The following PPP1R15B variants were observed in gnomAD, a reference collection of about 807,000 sequenced individuals.
PPP1R15B encodes protein phosphatase 1, regulatory (inhibitor) subunit 15B.
In PPP1R15B, 31 loss-of-function variants were observed where a neutral mutation model predicts 53.9. That is an observed-to-expected ratio of 0.58 (90% CI 0.43 to 0.78). PPP1R15B has a LOEUF of 0.78. Ranked by LOEUF, PPP1R15B falls within the 30% of genes least tolerant of loss-of-function variation. The pLI is 0.00. For missense variants in PPP1R15B, 928 were observed against 849.6 expected (o/e 1.09, Z -1.15); for synonymous variants, 345 against 329.1 (o/e 1.05, Z -0.52).
chr1:204,411,075 C>G lies in PPP1R15B; in HGVS notation c.337G>C (p.Glu113Gln), dbSNP rs763920425. ...YSALRALKGREKPAAPTAQKS... is the reference protein window; with the variant it reads ...YSALRALKGRQKPAAPTAQKS... ...TGCGCTGTGGGGGCGGCTGGTTTCT[C>G]CCGTCCCTTCAGGGCTCTCAGGGCG... The change falls in exon 1 of 2, where the codon GAG becomes CAG. Residue 113 changes from glutamate (E) to glutamine (Q), a missense_variant. Glu to Gln is a conservative substitution (Grantham distance 29, BLOSUM62 2). Transcript: ENST00000367188. 1.2e-6 allele frequency: 2 copies of G among 1,614,104 alleles called. No homozygotes were observed. Among genetic ancestry groups the G allele is most frequent in the African/African-American group, 2.7e-5 (2 of 74,940 alleles).
intron 1 of PPP1R15B, among the ~76,000 whole-genome samples, chr1:204,408,653 A>G (rs746446801): frequency 2.0e-4 from 31 of 152,226 alleles, no homozygotes; most frequent in Non-Finnish European, 4.1e-4. Flanking sequence ...TCAATTAATA[A>G]CTTTAGTTGA....
chr1:204,407,864 T>C (rs1159165973), intron 1 of PPP1R15B, among the ~76,000 whole-genome samples: 1 of 152,172 alleles, frequency 6.6e-6, no homozygotes, highest in African/African-American at 2.4e-5. Context: ...ATTCCCCATA[T>C]ATACCAATGG....
downstream of PPP1R15B, among the ~76,000 whole-genome samples, chr1:204,400,499 T>TTG (rs1674158248): frequency 2.0e-5 from 3 of 150,476 alleles, no homozygotes; most frequent in Admixed American, 6.6e-5. Context: ...TTTTTTTTTT[T>TTG]GTATTTTTTG....
chr1:204,403,344 A>G, downstream of PPP1R15B: 1 of 572,576 alleles, frequency 1.7e-6, no homozygotes. Flanking sequence ...GTAAAATACT[A>G]TGATACATAT....
chr1:204,399,590 T>C (rs1674143824), downstream of PPP1R15B, among the ~76,000 whole-genome samples: 2 of 150,732 alleles, frequency 1.3e-5, no homozygotes, highest in Admixed American at 1.3e-4. Flanking sequence ...ATTCAACAAA[T>C]ATTTATTGAC....
intron 1 of PPP1R15B, 73 bp from the exon 2 acceptor site, chr1:204,406,386 T>G: frequency 6.5e-7 from 1 of 1,530,866 alleles, no homozygotes; most frequent in African/African-American, 1.4e-5. Flanking sequence ...TAACCCTTTA[T>G]GCTACCAATT....
At position 204,410,382 on chromosome 1, in the gene PPP1R15B, T is replaced by C. The variant is rs760603744; in HGVS notation, c.1030A>G (p.Thr344Ala). The change falls in exon 1 of 2, where the codon ACA becomes GCA. Residue 344 changes from threonine (T) to alanine (A), a missense_variant. Coordinates refer to ENST00000367188, the MANE Select transcript of PPP1R15B (RefSeq NM_032833.5). Reference sequence around the variant, plus strand: ...TCTCCAGCAGCAGGAACAAACTGTGTTGGGTTATCTCTGCAGTGTTTTGGA... The same window carrying C: ...TCTCCAGCAGCAGGAACAAACTGTGCTGGGTTATCTCTGCAGTGTTTTGGA... ...MDPKHCRDNP[T>A]QFVPAAGDIP... 1 of 1,614,196 alleles carries C rather than the reference T, an allele frequency of 6.2e-7. No homozygotes were observed.
chr1:204,397,584 T>C (rs1674114212), downstream of PPP1R15B, among the ~76,000 whole-genome samples: 1 of 152,186 alleles, frequency 6.6e-6, no homozygotes, highest in Non-Finnish European at 1.5e-5. Context: ...ATGCTAAGTA[T>C]GTGAGGTAAT....
At chr1:204,409,441 A>G in intron 1 of PPP1R15B, 51 bp downstream of exon 1, 2 of 1,537,384 alleles carry the variant, frequency 1.3e-6, no homozygotes, top group Non-Finnish European at 1.7e-6. Flanking sequence ...ATATTTAAGC[A>G]TATAAAAACA....
In PPP1R15B at chr1:204,411,664, C is replaced by G. The variant is rs1674383295; in HGVS notation, c.-253G>C. The G allele has an allele frequency of 5.9e-5, 34 of 580,756 alleles. 1 individual carries two copies. The South Asian group carries it at 6.8e-4, about 12-fold the overall frequency. The allele number at this position is 580,756 out of a possible 1,614,324, so 36.0% of individuals were successfully genotyped here. A position where few individuals can be genotyped will look rare whatever the true frequency, so the allele number is the denominator to read the frequency against. ...CCATCCTGGCGGGGAAGGAGGTTCC[C>G]TAGTCGGCTCGACGCTTCAACACCA... On this transcript the variant is annotated 5_prime_UTR_variant, in exon 1 of 2. An upstream open reading frame in the 5' UTR loses its in-frame stop. Transcript: ENST00000367188.
rs1674220305 is a variant in PPP1R15B, at chr1:204,403,953, A to G, written c.*2139T>C. On this transcript the variant is annotated 3_prime_UTR_variant, in exon 2 of 2. Transcript: ENST00000367188. ...AGAATCCCATGGGGAACAATTTTCC[A>G]AAATCCAATGAAAGATGTCTCATTA... is the stretch of plus-strand genomic sequence containing the variant. 1.0e-6 allele frequency: 1 copy of G among 985,374 alleles called. No individual in the cohort carries two copies. Among genetic ancestry groups the G allele is most frequent in the Non-Finnish European group, 1.2e-6 (1 of 829,944 alleles). The allele number at this position is 985,374 out of a possible 1,614,324, so 61.0% of individuals were successfully genotyped here.
downstream of PPP1R15B, among the ~76,000 whole-genome samples, chr1:204,398,195 G>A (rs531944804): frequency 5.3e-5 from 8 of 152,262 alleles, no homozygotes; most frequent in South Asian, 1.7e-3. Context: ...AAGTATACAA[G>A]GGCCAAGTGA....
chr1:204,404,727 AC>A lies in PPP1R15B; in HGVS notation c.*1364del. On this transcript the variant is annotated 3_prime_UTR_variant, in exon 2 of 2. Coordinates refer to ENST00000367188, the MANE Select transcript of PPP1R15B (RefSeq NM_032833.5). ...TAAATAAGTTCAAAACTAAGAGGTC[AC>A]CTATTCTACTTATGTTTTCCATTAC... 1 of 985,788 alleles carries A rather than the reference AC, an allele frequency of 1.0e-6. No individual in the cohort carries two copies. Among genetic ancestry groups the A allele is most frequent in the Non-Finnish European group, 1.2e-6 (1 of 829,882 alleles). The allele number at this position is 985,788 out of a possible 1,614,324, so 61.1% of individuals were successfully genotyped here.
In PPP1R15B at chr1:204,408,427, T is replaced by C. The variant is rs190200758; in HGVS notation, c.1920+1065A>G. 3.7e-4 allele frequency among the ~76,000 whole-genome samples: 56 copies of C among 152,348 alleles called. No homozygotes were observed. In the East Asian group the frequency reaches 9.0e-3, roughly 25 times the overall value. ...AAGGTAAGACGTAAGATTATCACCA[T>C]TTTGAGACATTTTCTACCCAGGAAT... On this transcript the variant is annotated intron_variant, in intron 1 of 1. Transcript: ENST00000367188.
Position 204,411,153 on chromosome 1 carries a change from G to C in PPP1R15B, c.259C>G (p.Leu87Val), listed in dbSNP as rs1166642379. Residue 87 changes from leucine (L) to valine (V), a missense_variant, in exon 1 of 2, where the codon CTT becomes GTT. Leu to Val is a conservative substitution (Grantham distance 32). Transcript: ENST00000367188. ...CTGGTCGGAAACATTCCACCGAAAA[G>C]TTGGCTCCAAATTAGCACCTTCTGA... ...LLQKVLIWSQ[L>V]FGGMFPTRWL... 2 of 1,614,248 alleles carry C rather than the reference G, an allele frequency of 1.2e-6. No individual in the cohort carries two copies. The highest frequency in any genetic ancestry group is 1.7e-6 in the Non-Finnish European group (2 of 1,180,054).
chr1:204,405,434 G>A lies in PPP1R15B; in HGVS notation c.*658C>T. 10 of 984,844 alleles carry A rather than the reference G, an allele frequency of 1.0e-5. No homozygotes were observed. Among genetic ancestry groups the A allele is most frequent in the Non-Finnish European group, 1.2e-5 (10 of 829,542 alleles). 61.0% of individuals were successfully genotyped at this position (984,844 alleles called of 1,614,324 possible). ...AAGTAGTAAAGTACTGCACATATGG[G>A]TTTTGTGGCAGTCCTTGGAAATATC... On this transcript the variant is annotated 3_prime_UTR_variant, in exon 2 of 2. Transcript: ENST00000367188.
Position 204,410,523 on chromosome 1 carries a change from G to A in PPP1R15B, c.889C>T (p.Arg297Cys). 6.8e-6 allele frequency: 11 copies of A among 1,614,164 alleles called. No homozygotes were observed. Among genetic ancestry groups the A allele is most frequent in the Non-Finnish European group, 9.3e-6 (11 of 1,180,024 alleles). Residue 297 changes from arginine to cysteine, a missense_variant, in exon 1 of 2, where the codon CGC (arginine) becomes TGC (cysteine). Transcript: ENST00000367188. ...TEGLPEIHHLRMKRLEFLQQA... is the reference protein window; with the variant it reads ...TEGLPEIHHLCMKRLEFLQQA... ...TGAAGGAATTCCAGCCGTTTCATGCGAAGATGGTGAATTTCTGGTAGGCCT... is the reference window on the plus strand; with the variant it reads ...TGAAGGAATTCCAGCCGTTTCATGCAAAGATGGTGAATTTCTGGTAGGCCT...
downstream of PPP1R15B, among the ~76,000 whole-genome samples, chr1:204,398,101 AC>A (rs1285599487): frequency 2.6e-5 from 4 of 152,210 alleles, no homozygotes; most frequent in African/African-American, 9.6e-5. Flanking sequence ...TACTCTGGTC[AC>A]TGCGCAGACC....
At position 204,405,262 on chromosome 1, in the gene PPP1R15B, T is replaced by C. The variant is rs1297426933; in HGVS notation, c.*830A>G. On this transcript the variant is annotated 3_prime_UTR_variant, in exon 2 of 2. Coordinates refer to ENST00000367188, the MANE Select transcript of PPP1R15B (RefSeq NM_032833.5). ...AATGATTATGATGTAATTATTACTT[T>C]CCAGAGTGTTTTGCAATAACTTCAA... The C allele has an allele frequency of 2.0e-6, 2 of 979,156 alleles. No homozygotes were observed. The highest frequency in any genetic ancestry group is 1.1e-4 in the East Asian group (1 of 8,792). The allele number at this position is 979,156 out of a possible 1,614,324, so 60.7% of individuals were successfully genotyped here. A position where few individuals can be genotyped will look rare whatever the true frequency, so the allele number is the denominator to read the frequency against.
Sources: gnomAD v4.1 joint callset for allele counts (sites outside exome capture counted in the v4.1 genomes callset) on GRCh38, gnomAD v4.1.1 for gene constraint, MANE v1.5 for transcripts, NCBI Gene and HGNC (gene_info 2026-07-23, HGNC 2026-07-21) for gene names.